Variants in KAZN observed in about 807,000 individuals in gnomAD.
The protein encoded by KAZN is kazrin, periplakin interacting protein, also known as kazrin.
A neutral mutation model predicts 87.4 loss-of-function variants in KAZN; 40 were observed. That is an observed-to-expected ratio of 0.46 (90% CI 0.36 to 0.60). The LOEUF is 0.60. KAZN is among the 20% of genes least tolerant of loss of function. The probability of loss-of-function intolerance (pLI) is 0.00; values close to 1 mark genes in which losing one functional copy is unlikely to be tolerated. For synonymous variants in KAZN, 466 were observed against 458.3 expected, an observed-to-expected ratio of 1.02 and a Z score of -0.22; for missense variants, 898 against 1,073.9, an observed-to-expected ratio of 0.84 and a Z score of 2.29.
chr1:14,897,624 C>A (rs1655412748), intron 1 of KAZN, among the ~76,000 whole-genome samples: 1 of 150,852 alleles, frequency 6.6e-6, no homozygotes, highest in African/African-American at 2.4e-5. Flanking sequence ...CTTTCCAAAG[C>A]AAAAAAAAAA....
intron 2 of KAZN, among the ~76,000 whole-genome samples, chr1:15,034,293 C>G (rs1672026853): frequency 6.6e-6 from 1 of 152,188 alleles, no homozygotes; most frequent in African/African-American, 2.4e-5. Flanking sequence ...TAACGTAATA[C>G]TTCTCCCCAC....
chr1:14,167,383 A>G (rs988626121), intron 1 of KAZN, among the ~76,000 whole-genome samples: 6 of 152,158 alleles, frequency 3.9e-5, no homozygotes, highest in African/African-American at 1.2e-4. Context: ...GGCGTGGGTT[A>G]CCAGTAGTCT....
intron 2 of KAZN, among the ~76,000 whole-genome samples, chr1:14,313,694 G>A (rs148705366): frequency 6.6e-6 from 1 of 152,118 alleles, no homozygotes; most frequent in African/African-American, 2.4e-5. Context: ...TGTGAAAGAA[G>A]GTTATCATCT....
chr1:14,875,315 G>C (rs1652629181), intron 1 of KAZN, among the ~76,000 whole-genome samples: 1 of 120,284 alleles, frequency 8.3e-6, no homozygotes, highest in Admixed American at 1.0e-4. Flanking sequence ...TGGGCAACAA[G>C]AGTGAAACTC....
chr1:14,204,329 C>G (rs1324264105), intron 2 of KAZN, among the ~76,000 whole-genome samples: 1 of 152,180 alleles, frequency 6.6e-6, no homozygotes, highest in African/African-American at 2.4e-5. Flanking sequence ...TGCCAGGATT[C>G]ATTTGTTATT....
At chr1:14,377,095 T>C (rs1425938319) in intron 2 of KAZN, among the ~76,000 whole-genome samples, 1 of 152,176 alleles carries the variant, frequency 6.6e-6, no homozygotes, top group East Asian at 1.9e-4. Context: ...ATTCTTGTTA[T>C]TTCCAAGTGA....
At chr1:14,278,171 A>AG (rs1652542941) in intron 2 of KAZN, among the ~76,000 whole-genome samples, 1 of 109,224 alleles carries the variant, frequency 9.2e-6, no homozygotes, top group African/African-American at 7.4e-5. Flanking sequence ...ACTCTGTCTC[A>AG]AAAAAAAAAA....
chr1:14,252,073 A>G (rs1392601135), intron 2 of KAZN, among the ~76,000 whole-genome samples: 1 of 152,206 alleles, frequency 6.6e-6, no homozygotes, highest in Non-Finnish European at 1.5e-5. Flanking sequence ...GATGCTCAGC[A>G]GTGAGAGGAA....
intron 2 of KAZN, among the ~76,000 whole-genome samples, chr1:14,523,544 G>A (rs1008381865): frequency 7.9e-5 from 12 of 152,202 alleles, no homozygotes; most frequent in South Asian, 4.1e-4. Flanking sequence ...TAATTACCAC[G>A]AGGGACACTT....
chr1:14,071,489 T>C (rs1033456926), intron 1 of KAZN, among the ~76,000 whole-genome samples: 10 of 152,216 alleles, frequency 6.6e-5, no homozygotes, highest in African/African-American at 2.4e-4. Context: ...AGATTTTGTA[T>C]GGTTCTGCAA....
At chr1:14,935,794 T>A (rs1267561160) in intron 1 of KAZN, among the ~76,000 whole-genome samples, 1 of 152,202 alleles carries the variant, frequency 6.6e-6, no homozygotes, top group Non-Finnish European at 1.5e-5. Context: ...AGATGGTCTG[T>A]CTGCCTTTCA....
chr1:15,048,583 G>C lies in KAZN; in HGVS notation c.726+4424G>C, dbSNP rs868500592. Among the ~76,000 whole-genome samples the C allele has an allele frequency of 4.6e-5, 7 of 151,894 alleles. No individual in the cohort carries two copies. The South Asian group carries it at 1.3e-3, about 27-fold the overall frequency. Reference sequence around the variant, plus strand: ...GGTCCTGGGTCGTTGATCCTTGGTCGTTGGTCCTGGGTCGTCGGTCCTGGG... The same window carrying C: ...GGTCCTGGGTCGTTGATCCTTGGTCCTTGGTCCTGGGTCGTCGGTCCTGGG... On this transcript the variant is annotated intron_variant, in intron 4 of 14. Transcript: ENST00000376030.
chr1:14,665,636 A>G (rs1180917286), intron 1 of KAZN, among the ~76,000 whole-genome samples: 1 of 152,114 alleles, frequency 6.6e-6, no homozygotes, highest in African/African-American at 2.4e-5. Flanking sequence ...AGAACCTCTC[A>G]GTGTATCCGT....
chr1:13,948,331 G>T (rs991881083), intron 1 of KAZN, among the ~76,000 whole-genome samples: 1 of 152,104 alleles, frequency 6.6e-6, no homozygotes, highest in Non-Finnish European at 1.5e-5. Context: ...TTTTCCCTAT[G>T]CTGTTCCCCT....
At chr1:14,478,191 T>C (rs1222870586) in intron 2 of KAZN, among the ~76,000 whole-genome samples, 1 of 149,228 alleles carries the variant, frequency 6.7e-6, no homozygotes, top group African/African-American at 2.5e-5. Context: ...GAGAGATGGA[T>C]GGATAGATGG....
chr1:14,811,633 T>A (rs139643128), intron 1 of KAZN, among the ~76,000 whole-genome samples: 5 of 152,350 alleles, frequency 3.3e-5, no homozygotes, highest in African/African-American at 1.2e-4. Context: ...GGAAGCAAGC[T>A]ATTTTACTAA....
Position 14,856,417 on chromosome 1 carries a change from A to G in KAZN, c.227-104267A>G, listed in dbSNP as rs1027467950. ...TTTTGAAGAAGGAGGCAATATTTCC[A>G]TAGGTGGCATAGCTAAAGACATTAC... is the stretch of plus-strand genomic sequence containing the variant. On this transcript the variant is annotated intron_variant, in intron 1 of 14. Transcript: ENST00000376030. This position sits in a 1 kb window ranked among gnomAD's most constrained non-coding sequence, Gnocchi z 5.2. 6.6e-5 allele frequency among the ~76,000 whole-genome samples: 10 copies of G among 152,226 alleles called. No homozygotes were observed. Among genetic ancestry groups the G allele is most frequent in the African/African-American group, 2.4e-4 (10 of 41,458 alleles).
intron 2 of KAZN, among the ~76,000 whole-genome samples, chr1:14,549,085 A>T (rs1453339068): frequency 6.6e-6 from 1 of 152,232 alleles, no homozygotes; most frequent in Non-Finnish European, 1.5e-5. Flanking sequence ...TGGTATACTG[A>T]TCTTATAAAA....
chr1:14,087,259 A>G (rs1643879329), intron 1 of KAZN, among the ~76,000 whole-genome samples: 1 of 152,106 alleles, frequency 6.6e-6, no homozygotes, highest in Non-Finnish European at 1.5e-5. Flanking sequence ...TTTAATTTCC[A>G]ATTTTCTTTG....
Sources: allele counts gnomAD v4.1 joint callset (sites outside exome capture counted in the v4.1 genomes callset), GRCh38; gene constraint gnomAD v4.1.1; non-coding constraint Gnocchi (gnomAD v3.1); transcripts MANE v1.5; gene names NCBI Gene and HGNC (gene_info 2026-07-23, HGNC 2026-07-21).